ADAMTS16: variants seen among roughly 807,000 people sequenced by gnomAD.
ADAMTS16 encodes the protein A disintegrin and metalloproteinase with thrombospondin motifs 16.
Under a neutral mutation model 145.8 loss-of-function variants are expected in ADAMTS16, and 94 were observed. That is an observed-to-expected ratio of 0.64 (90% CI 0.55 to 0.77). ADAMTS16 has a LOEUF of 0.77. Among genes scored for constraint, ADAMTS16 ranks in the 30% least tolerant of loss-of-function variants. The probability of loss-of-function intolerance (pLI) is 0.00; values close to 1 mark genes in which losing one functional copy is unlikely to be tolerated. For missense variants in ADAMTS16, 1,585 were observed against 1,591.5 expected (o/e 1.00, Z 0.07); for synonymous variants, 659 against 604.3 (o/e 1.09, Z -1.33).
chr5:5,229,304 C>CA (rs1195176050), intron 11 of ADAMTS16, among the ~76,000 whole-genome samples: 11,230 of 75,214 alleles, frequency 0.15, 1,040 homozygotes, highest in East Asian at 0.21. Flanking sequence ...GACTCCGTCT[C>CA]AAAAAAAAAA....
chr5:5,196,788 G>A (rs1431464021), intron 8 of ADAMTS16, among the ~76,000 whole-genome samples: 2 of 152,158 alleles, frequency 1.3e-5, no homozygotes, highest in Non-Finnish European at 2.9e-5. Flanking sequence ...CAGGCATTCT[G>A]TACAGTTCAT....
intron 10 of ADAMTS16, among the ~76,000 whole-genome samples, chr5:5,220,161 T>TG (rs1297190843): frequency 2.2e-5 from 3 of 134,752 alleles, no homozygotes; most frequent in African/African-American, 8.4e-5. Context: ...TTTAACTTTT[T>TG]TTTTTTTTTT....
intron 3 of ADAMTS16, among the ~76,000 whole-genome samples, chr5:5,177,314 T>C (rs1579290424): frequency 2.0e-5 from 3 of 152,158 alleles, no homozygotes; most frequent in African/African-American, 7.2e-5. Flanking sequence ...AGGGGACAAG[T>C]TTAGAGCTGG....
At chr5:5,248,604 G>T (rs927257153) in intron 17 of ADAMTS16, among the ~76,000 whole-genome samples, 1 of 152,220 alleles carries the variant, frequency 6.6e-6, no homozygotes, top group Admixed American at 6.5e-5. Context: ...CTGCTGAGAA[G>T]TTGCTTCATG....
chr5:5,234,805 G>A (rs539712669), intron 12 of ADAMTS16, among the ~76,000 whole-genome samples: 41 of 147,158 alleles, frequency 2.8e-4, no homozygotes, highest in Admixed American at 2.7e-4. Context: ...AGGAGACAGC[G>A]GTTGCAGCGA....
Position 5,146,443 on chromosome 5 carries a change from C to T in ADAMTS16, c.489C>T (p.Thr163=), listed in dbSNP as rs2126503801. 2 of 1,607,722 alleles carry T rather than the reference C, an allele frequency of 1.2e-6. No individual in the cohort carries two copies. The highest frequency in any genetic ancestry group is 1.7e-6 in the Non-Finnish European group (2 of 1,179,190). The change falls in exon 3 of 23, where the codon ACC becomes ACT. Residue 163 remains threonine (T), a synonymous_variant. Coordinates refer to ENST00000274181, the MANE Select transcript of ADAMTS16 (RefSeq NM_139056.4). ...GAAACTCCTCAGTGGCCCTTTCAACCTGCCAAGGCTTGGTGAGTACAGCGC... is the reference window on the plus strand; with the variant it reads ...GAAACTCCTCAGTGGCCCTTTCAACTTGCCAAGGCTTGGTGAGTACAGCGC... ...SHRNSSVALS[T]CQGLSGMIRT...
At chr5:5,236,021 A>G (rs549005736) in intron 13 of ADAMTS16, among the ~76,000 whole-genome samples, 8 of 152,326 alleles carry the variant, frequency 5.3e-5, no homozygotes, top group Admixed American at 3.9e-4. Flanking sequence ...AAATGTAGCC[A>G]GTATGATACA....
At chr5:5,188,823 G>A (rs1405968606) in intron 6 of ADAMTS16, among the ~76,000 whole-genome samples, 2 of 152,092 alleles carry the variant, frequency 1.3e-5, no homozygotes, top group African/African-American at 4.8e-5. Context: ...GTGTGAGTGC[G>A]CAGTTGGGGA....
chr5:5,146,184 A>G lies in ADAMTS16; in HGVS notation c.230A>G (p.His77Arg), dbSNP rs1734288363. The change falls in exon 3 of 23, where the codon CAT (histidine) becomes CGT (arginine). Residue 77 changes from histidine (H) to arginine (R), a missense_variant. Transcript: ENST00000274181. ...GACCACAGGGGCGATTACGTGTCCC[A>G]TGAAATCATGCACCATCAGCGGCGG... is the stretch of plus-strand genomic sequence containing the variant. ...EVDHRGDYVS[H>R]EIMHHQRRRR... 6 of 1,614,204 alleles carry G rather than the reference A, an allele frequency of 3.7e-6. No individual in the cohort carries two copies. Among genetic ancestry groups the G allele is most frequent in the Non-Finnish European group, 5.1e-6 (6 of 1,180,046 alleles).
At chr5:5,244,063 G>GT (rs1192389184) in intron 17 of ADAMTS16, among the ~76,000 whole-genome samples, 1 of 152,178 alleles carries the variant, frequency 6.6e-6, no homozygotes, top group African/African-American at 2.4e-5. Flanking sequence ...CAGGATGTCT[G>GT]TATTTCCCAC....
At chr5:5,261,487 C>CCCTTT (rs1560974525) in intron 17 of ADAMTS16, among the ~76,000 whole-genome samples, 1 of 107,330 alleles carries the variant, frequency 9.3e-6, no homozygotes, top group African/African-American at 3.3e-5. Flanking sequence ...TAGTTATAGC[C>CCCTTT]TCTTTTTTTT....
chr5:5,236,927 G>C, intron 13 of ADAMTS16, 42 bp from the exon 14 acceptor site: 1 of 1,574,102 alleles, frequency 6.4e-7, no homozygotes, highest in Non-Finnish European at 8.6e-7. Context: ...CAGAGCTTAA[G>C]TATTTTTCTT....
At chr5:5,239,420 C>A (rs2964431) in intron 15 of ADAMTS16, 146 bp downstream of exon 15, 516,451 of 1,282,862 alleles carry the variant, frequency 0.4, 107,299 homozygotes, top group Non-Finnish European at 0.42. Context: ...GCTTCTCGAG[C>A]CTCTTGCTTT....
intron 4 of ADAMTS16, among the ~76,000 whole-genome samples, chr5:5,183,123 A>G (rs1478719209): frequency 6.6e-6 from 1 of 152,208 alleles, no homozygotes; most frequent in East Asian, 1.9e-4. Context: ...TTGTTAAACC[A>G]TCAGTGCCTT....
intron 3 of ADAMTS16, among the ~76,000 whole-genome samples, chr5:5,180,040 T>C (rs906322832): frequency 1.6e-4 from 25 of 152,320 alleles, no homozygotes; most frequent in African/African-American, 6.0e-4. Context: ...TGTACAAATG[T>C]CTGGACTCAT....
intron 17 of ADAMTS16, among the ~76,000 whole-genome samples, chr5:5,244,777 G>A (rs921780594): frequency 1.3e-5 from 2 of 152,324 alleles, no homozygotes; most frequent in Non-Finnish European, 2.9e-5. Context: ...ACCTGGCAAT[G>A]GGCGTTGCAG....
chr5:5,271,019 T>G (rs980410308), intron 18 of ADAMTS16, among the ~76,000 whole-genome samples: 16 of 152,184 alleles, frequency 1.1e-4, no homozygotes, highest in African/African-American at 3.9e-4. Flanking sequence ...ATGTTTCATG[T>G]TCAACTTGAA....
At chr5:5,308,787 A>G (rs1740295257) in intron 21 of ADAMTS16, among the ~76,000 whole-genome samples, 1 of 151,934 alleles carries the variant, frequency 6.6e-6, no homozygotes, top group South Asian at 2.1e-4. Flanking sequence ...TGTCTCTACT[A>G]AAAAATACAA....
chr5:5,188,108 A>T (rs753847493), intron 6 of ADAMTS16, among the ~76,000 whole-genome samples: 3 of 152,194 alleles, frequency 2.0e-5, no homozygotes, highest in Non-Finnish European at 4.4e-5. Flanking sequence ...AATACACAGC[A>T]CAAAATATAT....
Sources: gnomAD v4.1 joint callset for allele counts (sites outside exome capture counted in the v4.1 genomes callset) on GRCh38, gnomAD v4.1.1 for gene constraint, MANE v1.5 for transcripts, NCBI Gene and HGNC (gene_info 2026-07-23, HGNC 2026-07-21) for gene names.